GPC3: variants seen among roughly 807,000 people sequenced by gnomAD.
The protein encoded by GPC3 is glypican-3.
Under a neutral mutation model 34.4 loss-of-function variants are expected in GPC3, and 3 were observed. That is an observed-to-expected ratio of 0.09 (90% confidence interval 0.04 to 0.23). The LOEUF (loss-of-function observed/expected upper bound fraction) is 0.23. Ranked by LOEUF, GPC3 falls within the 10% of genes least tolerant of loss-of-function variation. The probability of loss-of-function intolerance (pLI) is 1.00; values close to 1 mark genes in which losing one functional copy is unlikely to be tolerated. For synonymous variants in GPC3, 177 were observed against 174.0 expected, an observed-to-expected ratio of 1.02 and a Z score of -0.13; for missense variants, 351 against 445.6, an observed-to-expected ratio of 0.79 and a Z score of 1.91.
intron 2 of GPC3, among the ~76,000 whole-genome samples, chrX:133,772,508 C>T (rs942618176): frequency 1.8e-5 from 2 of 111,378 alleles, no homozygotes; most frequent in Admixed American, 9.6e-5. Flanking sequence ...TATCGTCATA[C>T]CCCACCCCCT....
At chrX:133,913,522 A>G (rs769637439) in intron 2 of GPC3, among the ~76,000 whole-genome samples, 1 of 112,245 alleles carries the variant, frequency 8.9e-6, no homozygotes, top group South Asian at 3.7e-4. Context: ...ATAATATCTC[A>G]GTCTGACAGC....
At chrX:133,842,996 T>A (rs923197948) in intron 2 of GPC3, among the ~76,000 whole-genome samples, 21 of 110,963 alleles carry the variant, frequency 1.9e-4, no homozygotes, top group African/African-American at 6.9e-4. Flanking sequence ...TTGGGAAAAA[T>A]CAGTTGCCAG....
intron 2 of GPC3, among the ~76,000 whole-genome samples, chrX:133,915,491 C>T (rs891502705): frequency 8.9e-6 from 1 of 112,026 alleles, no homozygotes; most frequent in African/African-American, 3.2e-5. Context: ...GTCTTTTAAC[C>T]TGAATCTTTA....
intron 2 of GPC3, among the ~76,000 whole-genome samples, chrX:133,926,273 T>C (rs2076274266): frequency 8.9e-6 from 1 of 112,149 alleles, no homozygotes; most frequent in African/African-American, 3.2e-5. Context: ...TAGTCCTTTC[T>C]TCCTCCAAAC....
intron 5 of GPC3, among the ~76,000 whole-genome samples, chrX:133,682,685 G>A (rs773290010): frequency 9.0e-6 from 1 of 111,516 alleles, no homozygotes; most frequent in East Asian, 2.8e-4. Flanking sequence ...ATCCATCTGG[G>A]GCCGGGCGCG....
intron 2 of GPC3, among the ~76,000 whole-genome samples, chrX:133,950,572 A>G (rs148117605): frequency 0.015 from 1,689 of 112,221 alleles, 18 homozygotes; most frequent in Middle Eastern, 0.051. Flanking sequence ...AAGTACTGGG[A>G]TGGTTTTCTC....
chrX:133,851,156 G>A (rs1461770135), intron 2 of GPC3, among the ~76,000 whole-genome samples: 1 of 111,294 alleles, frequency 9.0e-6, no homozygotes, highest in Non-Finnish European at 1.9e-5. Context: ...TTGTCTAAAT[G>A]AACTATTCCA....
chrX:133,728,648 C>G (rs1224658521), intron 3 of GPC3, among the ~76,000 whole-genome samples: 1 of 112,660 alleles, frequency 8.9e-6, no homozygotes, highest in East Asian at 2.8e-4. Flanking sequence ...ATGTCCTCTA[C>G]AAAGACTGGC....
chrX:133,580,244 G>A (rs998404384), intron 7 of GPC3, among the ~76,000 whole-genome samples: 8 of 111,876 alleles, frequency 7.2e-5, no homozygotes, highest in African/African-American at 1.3e-4. Flanking sequence ...ACCTCTCCTC[G>A]AAGGAAGGCA....
chrX:133,702,881 A>G (rs2071179126), intron 3 of GPC3, among the ~76,000 whole-genome samples: 1 of 112,029 alleles, frequency 8.9e-6, no homozygotes, highest in Admixed American at 9.5e-5. Context: ...TATACAAAGC[A>G]TTTGTCAAAT....
intron 2 of GPC3, among the ~76,000 whole-genome samples, chrX:133,805,814 CTTATCATCA>C (rs1482713462): frequency 8.9e-6 from 1 of 111,963 alleles, no homozygotes; most frequent in African/African-American, 3.2e-5. Flanking sequence ...CCTTATCATC[CTTATCATCA>C]TCATCGTCAA....
At chrX:133,682,820 G>C (rs1371547868) in intron 5 of GPC3, among the ~76,000 whole-genome samples, 1 of 109,891 alleles carries the variant, frequency 9.1e-6, no homozygotes, top group Non-Finnish European at 1.9e-5. Context: ...TACAAAAATT[G>C]GCCAGGCATG....
At chrX:133,617,587 A>G (rs758638556) in intron 6 of GPC3, among the ~76,000 whole-genome samples, 269 of 112,331 alleles carry the variant, frequency 2.4e-3, no homozygotes, top group African/African-American at 7.8e-3. Context: ...TTGAGCTATT[A>G]TCATTCCGGC....
chrX:133,673,437 A>G, intron 5 of GPC3, among the ~76,000 whole-genome samples: 1 of 112,586 alleles, frequency 8.9e-6, no homozygotes, highest in Non-Finnish European at 1.9e-5. Flanking sequence ...CAAATAGAAT[A>G]GCAAAGAACA....
At chrX:133,898,568 A>G (rs2076129777) in intron 2 of GPC3, among the ~76,000 whole-genome samples, 1 of 112,284 alleles carries the variant, frequency 8.9e-6, no homozygotes, top group Non-Finnish European at 1.9e-5. Flanking sequence ...CATAATAGAG[A>G]CAGAAATTCT....
At chrX:133,593,354 T>TAAAAAAAAAAAAAAAAAAAAAAAAGA (rs1186766438) in intron 7 of GPC3, among the ~76,000 whole-genome samples, 3 of 47,675 alleles carry the variant, frequency 6.3e-5, no homozygotes, top group African/African-American at 1.7e-4. Context: ...AAAAAAAAAG[T>TAAAAAAAAAAAAAAAAAAAAAAAAGA]AAAAAAAAAA....
chrX:133,844,097 C>A (rs1399254401), intron 2 of GPC3, among the ~76,000 whole-genome samples: 1 of 111,717 alleles, frequency 9.0e-6, no homozygotes, highest in Non-Finnish European at 1.9e-5. Flanking sequence ...CCAGTAGAGC[C>A]TTCACAAAAT....
chrX:133,536,970 T>C (rs2069298586), intron 7 of GPC3, among the ~76,000 whole-genome samples: 1 of 112,117 alleles, frequency 8.9e-6, no homozygotes, highest in Admixed American at 9.5e-5. Flanking sequence ...AGATTTAAAC[T>C]GATACCAAGT....
intron 2 of GPC3, among the ~76,000 whole-genome samples, chrX:133,916,017 C>T (rs1251822349): frequency 9.1e-6 from 1 of 109,613 alleles, no homozygotes; most frequent in African/African-American, 3.3e-5. Flanking sequence ...TGGTAGCACA[C>T]ACCTGTAATC....
Sources: gnomAD v4.1 joint callset for allele counts (sites outside exome capture counted in the v4.1 genomes callset) on GRCh38, gnomAD v4.1.1 for gene constraint, MANE v1.5 for transcripts, NCBI Gene and HGNC (gene_info 2026-07-23, HGNC 2026-07-21) for gene names.